Variants in AVL9 observed in about 807,000 individuals in gnomAD.
AVL9 encodes AVL9 cell migration associated.
A neutral mutation model predicts 79.2 loss-of-function variants in AVL9; 49 were observed. That is an observed-to-expected ratio of 0.62 (90% CI 0.49 to 0.79). The LOEUF (loss-of-function observed/expected upper bound fraction) is 0.79, where lower values mean the gene tolerates loss of function less well. Ranked by LOEUF, AVL9 falls within the 30% of genes least tolerant of loss-of-function variation. The pLI, the probability that AVL9 is intolerant of heterozygous loss-of-function variation, is 0.00. For synonymous variants in AVL9, 299 were observed against 280.6 expected (o/e 1.07, Z -0.65); for missense variants, 682 against 776.8 (o/e 0.88, Z 1.45).
chr7:32,526,785 G>C (rs1186908402), intron 1 of AVL9, among the ~76,000 whole-genome samples: 4 of 152,124 alleles, frequency 2.6e-5, no homozygotes, highest in African/African-American at 9.7e-5. Context: ...GGTTTGTTGG[G>C]TGAAAGGAAT....
intron 1 of AVL9, among the ~76,000 whole-genome samples, chr7:32,526,826 G>T (rs972367832): frequency 6.6e-6 from 1 of 152,120 alleles, no homozygotes; most frequent in Non-Finnish European, 1.5e-5. Flanking sequence ...TCCGCAGAGC[G>T]AAAGAGAGTC....
At chr7:32,563,135 G>T (rs1316045467) in intron 10 of AVL9, among the ~76,000 whole-genome samples, 1 of 152,026 alleles carries the variant, frequency 6.6e-6, no homozygotes, top group Admixed American at 6.6e-5. Flanking sequence ...AGGTTCAAGC[G>T]ATTCTCCTGC....
At position 32,502,392 on chromosome 7, in the gene AVL9, C is replaced by CAAAA. The variant is rs70992721; in HGVS notation, c.93+6604_93+6607dup. On this transcript the variant is annotated intron_variant, in intron 1 of 15. Transcript: ENST00000318709. ...TGGGTGAGAGAGTAAAACCCTTTCT[C>CAAAA]AAAAAAAAAAAAAAAAAGAAAGAAA... Among the ~76,000 whole-genome samples, 183 of 114,344 alleles carry CAAAA rather than the reference C, an allele frequency of 1.6e-3. 2 individuals are homozygous for CAAAA. The highest frequency in any genetic ancestry group is 3.4e-3 in the African/African-American group (103 of 30,340). The allele number at this position is 114,344 out of a possible 152,430, so 75.0% of individuals were successfully genotyped here. A position where few individuals can be genotyped will look rare whatever the true frequency, so the allele number is the denominator to read the frequency against.
chr7:32,533,219 A>G (rs944112301), intron 1 of AVL9: 1 of 152,206 alleles, frequency 6.6e-6, no homozygotes. Context: ...AGGCAGGAGA[A>G]TCGCCTAAAT....
Position 32,580,852 on chromosome 7 carries a change from C to T in AVL9, c.1793C>T (p.Thr598Ile), listed in dbSNP as rs775009586. 1.2e-5 allele frequency: 20 copies of T among 1,613,754 alleles called. No homozygotes were observed. The highest frequency in any genetic ancestry group is 1.7e-5 in the Non-Finnish European group (20 of 1,179,926). The change falls in exon 15 of 16, where the codon ACA (threonine) becomes ATA (isoleucine). Residue 598 changes from threonine (T) to isoleucine (I), a missense_variant. Physicochemically the swap from Thr to Ile is moderately conservative, Grantham distance 89. Coordinates refer to ENST00000318709, the MANE Select transcript of AVL9 (RefSeq NM_015060.3). The stretch of plus-strand genomic sequence containing the variant: ...AAAAAAATTGGAAACGTCATGGTCA[C>T]AACTAGCCGGAATGTTGTACAAACA... ...RGKKIGNVMV[T>I]TSRNVVQTGK...
At chr7:32,564,678 AC>A (rs1432015226) in intron 10 of AVL9, among the ~76,000 whole-genome samples, 1 of 152,180 alleles carries the variant, frequency 6.6e-6, no homozygotes, top group Non-Finnish European at 1.5e-5. Flanking sequence ...GAGGAGGCTT[AC>A]TATGTAAATG....
chr7:32,568,811 T>C (rs1479743870), intron 10 of AVL9, among the ~76,000 whole-genome samples: 2 of 152,208 alleles, frequency 1.3e-5, no homozygotes, highest in African/African-American at 2.4e-5. Context: ...TTATGAAATA[T>C]AATACTGATT....
intron 2 of AVL9, among the ~76,000 whole-genome samples, chr7:32,544,155 AT>A (rs1389478233): frequency 6.6e-6 from 1 of 152,134 alleles, no homozygotes; most frequent in Non-Finnish European, 1.5e-5. Context: ...TATGTGTATA[AT>A]TTTGTCTGTA....
intron 1 of AVL9, among the ~76,000 whole-genome samples, chr7:32,504,698 A>G (rs986370310): frequency 4.6e-5 from 7 of 152,170 alleles, no homozygotes; most frequent in Non-Finnish European, 7.3e-5. Flanking sequence ...ATCAGAGGCT[A>G]CATTCAGAAA....
chr7:32,569,368 A>AT (rs11394337), intron 10 of AVL9, among the ~76,000 whole-genome samples: 31,729 of 152,080 alleles, frequency 0.21, 3,886 homozygotes, highest in African/African-American at 0.32. Context: ...AGTATGCTGG[A>AT]TTTTTTCTAT....
intron 1 of AVL9, chr7:32,534,484 G>A (rs1788809399): frequency 6.6e-6 from 1 of 152,052 alleles, no homozygotes; most frequent in African/African-American, 2.4e-5. Flanking sequence ...AATCTCAAGA[G>A]TAGATCTCAA....
intron 1 of AVL9, among the ~76,000 whole-genome samples, chr7:32,515,806 C>G (rs536512822): frequency 6.6e-6 from 1 of 152,174 alleles, no homozygotes; most frequent in African/African-American, 2.4e-5. Context: ...TTCTGCCTGA[C>G]TTAGTCAAAT....
At chr7:32,546,276 C>T (rs1235820457) in intron 3 of AVL9, among the ~76,000 whole-genome samples, 1 of 152,026 alleles carries the variant, frequency 6.6e-6, no homozygotes, top group Non-Finnish European at 1.5e-5. Context: ...GTACCCATCA[C>T]CTAGACTCAT....
At chr7:32,542,145 T>C (rs1284944267) in intron 1 of AVL9, among the ~76,000 whole-genome samples, 1 of 150,198 alleles carries the variant, frequency 6.7e-6, no homozygotes, top group Admixed American at 6.7e-5. Context: ...GTAGCTGGGG[T>C]GGTGATATCA....
rs768875993 is a variant in AVL9, at chr7:32,559,333, T to C, written c.1084T>C (p.Ser362Pro). 1.9e-5 allele frequency: 30 copies of C among 1,614,194 alleles called. No individual in the cohort carries two copies. The highest frequency in any genetic ancestry group is 2.4e-5 in the Non-Finnish European group (28 of 1,180,036). ...CCAGACAAATTTGTTTCCAAAGGAC[T>C]CTGTCCCCTCAGAGAGTCTTCCAAT... is the stretch of plus-strand genomic sequence containing the variant. ...SDQTNLFPKD[S>P]VPSESLPITV... The change falls in exon 10 of 16, where the codon TCT becomes CCT. Residue 362 changes from serine to proline, a missense_variant. Coordinates refer to ENST00000318709, the MANE Select transcript of AVL9 (RefSeq NM_015060.3).
Position 32,568,157 on chromosome 7 carries a change from G to A in AVL9, c.1216-1863G>A, listed in dbSNP as rs377650679. On this transcript the variant is annotated intron_variant, in intron 10 of 15. Transcript: ENST00000318709. Reference sequence around the variant, plus strand: ...TGGGATTACAAGTGTGAGTCATCGCGCCCAGCCCGCTTATTCTTTTTTTTA... The same window carrying A: ...TGGGATTACAAGTGTGAGTCATCGCACCCAGCCCGCTTATTCTTTTTTTTA... Among the ~76,000 whole-genome samples, 7 of 151,676 alleles carry A rather than the reference G, an allele frequency of 4.6e-5. No homozygotes were observed. In the South Asian group the frequency reaches 8.3e-4, roughly 18 times the overall value.
intron 1 of AVL9, chr7:32,536,201 G>A (rs1332923201): frequency 6.6e-6 from 1 of 152,016 alleles, no homozygotes; most frequent in East Asian, 1.9e-4. Flanking sequence ...TGTACTTCAC[G>A]ACACAATTGC....
chr7:32,517,503 A>G (rs1787956651), intron 1 of AVL9, among the ~76,000 whole-genome samples: 2 of 151,860 alleles, frequency 1.3e-5, no homozygotes, highest in South Asian at 4.1e-4. Flanking sequence ...ACGGGGTTTC[A>G]CCATCTTGGC....
intron 14 of AVL9, among the ~76,000 whole-genome samples, chr7:32,580,563 T>C (rs982021918): frequency 3.3e-5 from 5 of 152,238 alleles, no homozygotes; most frequent in African/African-American, 1.2e-4. Flanking sequence ...TACATCCTTA[T>C]GTCCTCACCA....
Sources: gnomAD v4.1 joint callset for allele counts (sites outside exome capture counted in the v4.1 genomes callset) on GRCh38, gnomAD v4.1.1 for gene constraint, MANE v1.5 for transcripts, NCBI Gene and HGNC (gene_info 2026-07-23, HGNC 2026-07-21) for gene names.